Variants in YWHAG observed in about 807,000 individuals in gnomAD.
YWHAG encodes tyrosine 3-monooxygenase/tryptophan 5-monooxygenase activation protein gamma.
Under a neutral mutation model 23.3 loss-of-function variants are expected in YWHAG, and 1 was observed. That is an observed-to-expected ratio of 0.04 (90% CI 0.02 to 0.20). YWHAG has a LOEUF of 0.20. Ranked by LOEUF, YWHAG falls within the 10% of genes least tolerant of loss-of-function variation. YWHAG has a pLI of 1.00. For synonymous variants in YWHAG, 160 were observed against 144.0 expected, an observed-to-expected ratio of 1.11 and a Z score of -0.80; for missense variants, 151 against 338.6, an observed-to-expected ratio of 0.45 and a Z score of 4.35.
chr7:76,353,511 C>A (rs2001779), intron 1 of YWHAG, among the ~76,000 whole-genome samples: 4,585 of 152,222 alleles, frequency 0.03, 238 homozygotes, highest in African/African-American at 0.1. Context: ...GTGCCTGACC[C>A]AGGGAATTTT....
At chr7:76,331,877 G>A (rs1159542913) in intron 1 of YWHAG, among the ~76,000 whole-genome samples, 4 of 151,802 alleles carry the variant, frequency 2.6e-5, no homozygotes, top group African/African-American at 7.3e-5. Context: ...ATAAACGGGG[G>A]GTATGCTTGG....
At chr7:76,330,778 C>A (rs1803531610) in intron 1 of YWHAG, among the ~76,000 whole-genome samples, 1 of 152,146 alleles carries the variant, frequency 6.6e-6, no homozygotes, top group African/African-American at 2.4e-5. Flanking sequence ...ACTTTAGCAA[C>A]CCAGGGAACA....
At chr7:76,354,745 G>A (rs1238565332) in intron 1 of YWHAG, among the ~76,000 whole-genome samples, 2 of 152,076 alleles carry the variant, frequency 1.3e-5, no homozygotes, top group Non-Finnish European at 2.9e-5. Flanking sequence ...CCACACAGGC[G>A]GCAAATCACT....
At chr7:76,336,629 T>C (rs1315796803) in intron 1 of YWHAG, among the ~76,000 whole-genome samples, 2 of 152,048 alleles carry the variant, frequency 1.3e-5, no homozygotes, top group Non-Finnish European at 2.9e-5. Context: ...TAAATTTTTG[T>C]ATTTTTAGTA....
chr7:76,357,313 A>G (rs1048718324), intron 1 of YWHAG, among the ~76,000 whole-genome samples: 3 of 152,236 alleles, frequency 2.0e-5, no homozygotes, highest in South Asian at 2.1e-4. Flanking sequence ...TTGATCTGTA[A>G]TATCAATAAT....
chr7:76,329,611 T>C lies in YWHAG; in HGVS notation c.710A>G (p.Gln237Arg). ...GCCTTCGCCGCCATCGTCGTCCTGC[T>C]GGTCGCTCGTCCAGAGCGTGAGGTT... ...RDNLTLWTSD[Q>R]QDDDGGEGNN Residue 237 changes from glutamine to arginine, a missense_variant, in exon 2 of 2, where the codon CAG becomes CGG. Transcript: ENST00000307630. The surrounding 1 kb of genome is among the most constrained non-coding windows in gnomAD (Gnocchi z 6.1). 6.2e-7 allele frequency: 1 copy of C among 1,611,732 alleles called. No homozygotes were observed. Among genetic ancestry groups the C allele is most frequent in the Non-Finnish European group, 8.5e-7 (1 of 1,177,976 alleles).
At chr7:76,333,715 G>A (rs902907661) in intron 1 of YWHAG, among the ~76,000 whole-genome samples, 7 of 152,200 alleles carry the variant, frequency 4.6e-5, no homozygotes, top group Admixed American at 3.9e-4. Flanking sequence ...ACCCATCTCT[G>A]GCATACTTTA....
chr7:76,351,751 G>C (rs1003270669), intron 1 of YWHAG, among the ~76,000 whole-genome samples: 7 of 152,188 alleles, frequency 4.6e-5, no homozygotes, highest in South Asian at 2.1e-4. Flanking sequence ...TCTAATTGTA[G>C]AACAAGCTCA....
At chr7:76,338,352 C>T (rs898791187) in intron 1 of YWHAG, among the ~76,000 whole-genome samples, 6 of 152,010 alleles carry the variant, frequency 3.9e-5, no homozygotes, top group Non-Finnish European at 8.8e-5. Context: ...GAAATTTCTA[C>T]CCAAGGCCAA....
rs571658382 is a variant in YWHAG, at chr7:76,340,076, G to A, written c.88-9843C>T. 2.7e-4 allele frequency among the ~76,000 whole-genome samples: 41 copies of A among 152,126 alleles called. No homozygotes were observed. The South Asian group carries it at 3.5e-3, about 13-fold the overall frequency. On this transcript the variant is annotated intron_variant, in intron 1 of 1. Transcript: ENST00000307630. ...TGCACTCCTGCCTGGGCGACACAGC[G>A]AGACTCCATCTCAGAAAACAAAACA... is the stretch of plus-strand genomic sequence containing the variant.
chr7:76,339,661 C>T (rs193206485), intron 1 of YWHAG, among the ~76,000 whole-genome samples: 28 of 152,260 alleles, frequency 1.8e-4, no homozygotes, highest in African/African-American at 6.7e-4. Flanking sequence ...TCTGCCACTC[C>T]TGAGACAGCA....
At position 76,358,791 on chromosome 7, in the gene YWHAG, T is replaced by C; in HGVS notation, c.18A>G (p.Gln6=). 5.6e-6 allele frequency: 9 copies of C among 1,595,344 alleles called. No homozygotes were observed. The highest frequency in any genetic ancestry group is 7.7e-6 in the Non-Finnish European group (9 of 1,172,238). The part of the protein sequence containing the change: MVDRE[Q]LVQKARLAEQ... ...CGGCCAGCCGGGCTTTCTGCACCAGTTGCTCGCGGTCCACCATCTTCGCGG... is the reference window on the plus strand; with the variant it reads ...CGGCCAGCCGGGCTTTCTGCACCAGCTGCTCGCGGTCCACCATCTTCGCGG... Residue 6 remains glutamine (Q), a synonymous_variant, in exon 1 of 2, where the codon CAA becomes CAG. Coordinates refer to ENST00000307630, the MANE Select transcript of YWHAG (RefSeq NM_012479.4).
chr7:76,354,465 A>T (rs1803921601), intron 1 of YWHAG, among the ~76,000 whole-genome samples: 1 of 151,546 alleles, frequency 6.6e-6, no homozygotes, highest in South Asian at 2.1e-4. Context: ...GAGCCGAGAT[A>T]CCACACCACT....
intron 1 of YWHAG, among the ~76,000 whole-genome samples, chr7:76,336,450 G>A (rs951325318): frequency 1.4e-5 from 2 of 141,244 alleles, no homozygotes; most frequent in Non-Finnish European, 3.0e-5. Flanking sequence ...AGAAAGTCTG[G>A]CTTTTTTTTT....
At chr7:76,350,577 C>T (rs1563667682) in intron 1 of YWHAG, among the ~76,000 whole-genome samples, 1 of 152,228 alleles carries the variant, frequency 6.6e-6, no homozygotes, top group Non-Finnish European at 1.5e-5. Flanking sequence ...GGCGCAGTGG[C>T]TCATGCCTGT....
intron 1 of YWHAG, among the ~76,000 whole-genome samples, chr7:76,344,631 T>C (rs1376230451): frequency 1.3e-5 from 2 of 152,208 alleles, no homozygotes; most frequent in Non-Finnish European, 2.9e-5. Flanking sequence ...CAATTTCTCC[T>C]GGAATCAATG....
At chr7:76,336,611 C>A (rs1167670547) in intron 1 of YWHAG, among the ~76,000 whole-genome samples, 2 of 152,096 alleles carry the variant, frequency 1.3e-5, no homozygotes, top group Admixed American at 6.5e-5. Context: ...CCCACCACCA[C>A]GCCTGGCTAA....
chr7:76,333,695 C>A (rs1242172748), intron 1 of YWHAG, among the ~76,000 whole-genome samples: 1 of 152,226 alleles, frequency 6.6e-6, no homozygotes, highest in East Asian at 1.9e-4. Flanking sequence ...AGCCCTTGGG[C>A]GCTGCTGCCA....
rs777911913 is a variant in YWHAG at position 76,329,721 on chromosome 7, C to T, written c.600G>A (p.Ala200=). 5.0e-5 allele frequency: 80 copies of T among 1,614,194 alleles called. 1 individual carries two copies. The South Asian group carries it at 7.0e-4, about 14-fold the overall frequency. Residue 200 remains alanine (A), a synonymous_variant, in exon 2 of 2, where the codon GCG becomes GCA. Coordinates refer to ENST00000307630, the MANE Select transcript of YWHAG (RefSeq NM_012479.4). This position sits in a 1 kb window ranked among gnomAD's most constrained non-coding sequence, Gnocchi z 6.1. The part of the protein sequence containing the change: ...PEQACHLAKT[A]FDDAIAELDT... ...CAAGCTCGGCGATGGCGTCGTCGAA[C>T]GCGGTCTTGGCCAAGTGGCACGCTT...
Sources: allele counts gnomAD v4.1 joint callset (sites outside exome capture counted in the v4.1 genomes callset), GRCh38; gene constraint gnomAD v4.1.1; non-coding constraint Gnocchi (gnomAD v3.1); transcripts MANE v1.5; gene names NCBI Gene and HGNC (gene_info 2026-07-23, HGNC 2026-07-21).